The following PTPRT variants were observed in gnomAD, a reference collection of about 807,000 sequenced individuals.
PTPRT encodes the protein protein tyrosine phosphatase receptor type T, also known as receptor-type tyrosine-protein phosphatase T.
PTPRT carries 56 observed loss-of-function variants against 176.8 expected under a neutral mutation model. The observed-to-expected ratio is 0.32, with a 90% confidence interval of 0.26 to 0.40. The LOEUF is 0.40. PTPRT is among the 10% of genes least tolerant of loss of function. PTPRT has a pLI of 1.00. For synonymous variants in PTPRT, 783 were observed against 739.0 expected, an observed-to-expected ratio of 1.06 and a Z score of -0.96; for missense variants, 1,540 against 1,908.2, an observed-to-expected ratio of 0.81 and a Z score of 3.60.
chr20:42,493,009 T>C (rs553315256), intron 7 of PTPRT, among the ~76,000 whole-genome samples: 1 of 152,320 alleles, frequency 6.6e-6, no homozygotes, highest in South Asian at 2.1e-4. Context: ...AATAGATTGA[T>C]TCCCTAGTAT....
rs189813056 is a variant in PTPRT, at chr20:43,039,737, C to T, written c.88+149909G>A. Among the ~76,000 whole-genome samples the T allele has an allele frequency of 1.5e-4, 23 of 152,112 alleles. 1 individual carries two copies. The highest frequency in any genetic ancestry group is 2.9e-4 in the Non-Finnish European group (20 of 68,004). On this transcript the variant is annotated intron_variant, in intron 1 of 30. Transcript: ENST00000373187. ...AGTTCTGGTGTCCAAAGACCATTTA[C>T]AAATAAAAAAGAAGAAAACCAGGCC... is the stretch of plus-strand genomic sequence containing the variant.
At chr20:42,451,553 T>A (rs1452960180) in intron 8 of PTPRT, among the ~76,000 whole-genome samples, 1 of 151,770 alleles carries the variant, frequency 6.6e-6, no homozygotes, top group Admixed American at 6.6e-5. Flanking sequence ...AACTCCAGAA[T>A]TAACAATTAG....
intron 9 of PTPRT, among the ~76,000 whole-genome samples, chr20:42,409,725 A>G (rs2058995465): frequency 6.6e-6 from 1 of 152,234 alleles, no homozygotes; most frequent in Admixed American, 6.5e-5. Context: ...TCCCTTCAGG[A>G]AAGAGTTTGG....
At chr20:42,304,831 T>C (rs1255911116) in intron 12 of PTPRT, among the ~76,000 whole-genome samples, 1 of 152,198 alleles carries the variant, frequency 6.6e-6, no homozygotes, top group Non-Finnish European at 1.5e-5. Flanking sequence ...GGGCTTCTTA[T>C]ACAAGGATAT....
At chr20:42,581,977 G>A (rs1393663827) in intron 7 of PTPRT, among the ~76,000 whole-genome samples, 1 of 152,136 alleles carries the variant, frequency 6.6e-6, no homozygotes, top group Non-Finnish European at 1.5e-5. Context: ...GAAACAAATC[G>A]GCACTTGGAA....
At chr20:42,552,554 G>A (rs1481619593) in intron 7 of PTPRT, among the ~76,000 whole-genome samples, 1 of 152,118 alleles carries the variant, frequency 6.6e-6, no homozygotes, top group African/African-American at 2.4e-5. Context: ...GCACGAAAAT[G>A]TTTTTACAAT....
At chr20:42,684,336 C>T (rs1381864784) in intron 6 of PTPRT, among the ~76,000 whole-genome samples, 1 of 151,524 alleles carries the variant, frequency 6.6e-6, no homozygotes, top group Non-Finnish European at 1.5e-5. Flanking sequence ...CACAGCGAGA[C>T]TCTGTCTCAA....
chr20:42,858,558 C>T (rs1202830297), intron 2 of PTPRT, among the ~76,000 whole-genome samples: 1 of 152,180 alleles, frequency 6.6e-6, no homozygotes, highest in Admixed American at 6.5e-5. Flanking sequence ...AAAAGGGACC[C>T]CAGAGAGCTG....
At chr20:42,340,730 T>A (rs1316782073) in intron 11 of PTPRT, among the ~76,000 whole-genome samples, 1 of 152,202 alleles carries the variant, frequency 6.6e-6, no homozygotes, top group Non-Finnish European at 1.5e-5. Context: ...CTTTGGGCAG[T>A]TGCGGACAGA....
chr20:43,087,517 C>T (rs1238603525), intron 1 of PTPRT, among the ~76,000 whole-genome samples: 2 of 151,924 alleles, frequency 1.3e-5, no homozygotes, highest in Non-Finnish European at 2.9e-5. Flanking sequence ...GCATGTGCCA[C>T]CATGCCCAGC....
chr20:43,119,745 C>T (rs1386305555), intron 1 of PTPRT, among the ~76,000 whole-genome samples: 3 of 152,226 alleles, frequency 2.0e-5, no homozygotes, highest in Admixed American at 2.0e-4. Context: ...CCCAGTACCA[C>T]TTGTGATGTG....
At chr20:42,745,529 C>T (rs2076679724) in intron 6 of PTPRT, among the ~76,000 whole-genome samples, 1 of 152,140 alleles carries the variant, frequency 6.6e-6, no homozygotes, top group African/African-American at 2.4e-5. Context: ...CCAAATGTCC[C>T]CTGGAAGGAA....
intron 15 of PTPRT, among the ~76,000 whole-genome samples, chr20:42,203,293 T>A (rs78284945): frequency 6.6e-6 from 1 of 152,206 alleles, no homozygotes; most frequent in Admixed American, 6.5e-5. Context: ...TTCATCTCCA[T>A]AGCCAAATAA....
intron 13 of PTPRT, among the ~76,000 whole-genome samples, chr20:42,272,521 G>A (rs1164960376): frequency 6.6e-6 from 1 of 151,924 alleles, no homozygotes; most frequent in Admixed American, 6.6e-5. Context: ...TTCCCACTTG[G>A]CCCCCTTCAG....
intron 2 of PTPRT, among the ~76,000 whole-genome samples, chr20:42,820,192 A>G (rs1414697192): frequency 1.3e-5 from 2 of 152,230 alleles, no homozygotes; most frequent in Non-Finnish European, 2.9e-5. Flanking sequence ...AGGAAATGCA[A>G]AAGAACTAAA....
intron 1 of PTPRT, among the ~76,000 whole-genome samples, chr20:42,972,447 A>AG (rs924603328): frequency 1.3e-5 from 2 of 151,604 alleles, no homozygotes; most frequent in Non-Finnish European, 2.9e-5. Flanking sequence ...AGATAACTTG[A>AG]GGTAAGGAGT....
chr20:42,332,934 A>C (rs2057988755), intron 11 of PTPRT, among the ~76,000 whole-genome samples: 1 of 152,256 alleles, frequency 6.6e-6, no homozygotes, highest in South Asian at 2.1e-4. Context: ...ACGTTGCAAA[A>C]TCATGTAAGG....
In PTPRT at chr20:42,378,781, C is replaced by T. The variant is rs375630595; in HGVS notation, c.1561-26496G>A. On this transcript the variant is annotated intron_variant, in intron 9 of 30. Coordinates refer to ENST00000373187, the MANE Select transcript of PTPRT (RefSeq NM_007050.6). ...TTAACTTCCTGAGGCTCAGTTTCCT[C>T]ATCTGTAGAGCGCAGATACTAATGG... Among the ~76,000 whole-genome samples, 5 of 152,318 alleles carry T rather than the reference C, an allele frequency of 3.3e-5. No homozygotes were observed. In the East Asian group the frequency reaches 5.8e-4, roughly 18 times the overall value.
intron 7 of PTPRT, among the ~76,000 whole-genome samples, chr20:42,604,902 G>T (rs994877826): frequency 2.0e-5 from 3 of 152,138 alleles, no homozygotes; most frequent in African/African-American, 7.2e-5. Context: ...GTGCTGAGAG[G>T]GTGACTCCTG....
Sources: allele counts gnomAD v4.1 joint callset (sites outside exome capture counted in the v4.1 genomes callset), GRCh38; gene constraint gnomAD v4.1.1; transcripts MANE v1.5; gene names NCBI Gene and HGNC (gene_info 2026-07-23, HGNC 2026-07-21).